GINS1: variants seen among roughly 807,000 people sequenced by gnomAD.
GINS1 encodes DNA replication complex GINS protein PSF1.
In GINS1, 26 loss-of-function variants were observed where a neutral mutation model predicts 34.9. The ratio of observed to expected loss-of-function variants is 0.74; its 90% confidence interval spans 0.55 to 1.03. The LOEUF is 1.03. Ranked by LOEUF, GINS1 falls within the 50% of genes least tolerant of loss-of-function variation. The pLI is 0.00. For missense variants in GINS1, 235 were observed against 237.9 expected, an observed-to-expected ratio of 0.99 and a Z score of 0.08; for synonymous variants, 97 against 84.4, an observed-to-expected ratio of 1.15 and a Z score of -0.82.
intron 5 of GINS1, among the ~76,000 whole-genome samples, chr20:25,430,992 G>A (rs1023131302): frequency 1.3e-5 from 2 of 152,212 alleles, no homozygotes; most frequent in Non-Finnish European, 2.9e-5. Context: ...AGAAGGATTG[G>A]TGTTCTTGAA....
chr20:25,425,250 T>TA lies in GINS1; in HGVS notation c.371dup (p.Tyr124Ter). The change falls in exon 5 of 7, where the codon TAT (tyrosine) becomes TAAT (stop). Residue 124 changes from tyrosine (Y) to a stop codon, truncating the protein, a stop_gained and frameshift_variant. Coordinates refer to ENST00000262460, the MANE Select transcript of GINS1 (RefSeq NM_021067.5). LOFTEE classifies it high-confidence loss of function. ...TAATTATAAAAGATCTCTTGCTACTTATATGAGGTCACTGGGAGGAGATGA... is the reference window on the plus strand; with the variant it reads ...TAATTATAAAAGATCTCTTGCTACTTAATATGAGGTCACTGGGAGGAGATGA... ...FNNYKRSLAT[Y>*]MRSLGGDEGL... The TA allele has an allele frequency of 6.4e-7, 1 of 1,556,998 alleles. No homozygotes were observed. Among genetic ancestry groups the TA allele is most frequent in the Non-Finnish European group, 8.9e-7 (1 of 1,128,436 alleles).
At chr20:25,428,695 C>T (rs567463575) in intron 5 of GINS1, among the ~76,000 whole-genome samples, 4 of 151,826 alleles carry the variant, frequency 2.6e-5, no homozygotes, top group South Asian at 4.2e-4. Flanking sequence ...TGAGCCACCG[C>T]ACCCGGCCTC....
intron 4 of GINS1, among the ~76,000 whole-genome samples, chr20:25,421,309 T>C (rs969927794): frequency 2.0e-5 from 3 of 152,200 alleles, no homozygotes; most frequent in African/African-American, 7.2e-5. Flanking sequence ...ATGATTTCAA[T>C]ATTGTTGACT....
At chr20:25,442,777 T>G (rs2090489865) in intron 6 of GINS1, among the ~76,000 whole-genome samples, 1 of 151,766 alleles carries the variant, frequency 6.6e-6, no homozygotes, top group Admixed American at 6.6e-5. Context: ...CAGTTAATTT[T>G]TGTAATTTTT....
Position 25,407,777 on chromosome 20 carries a change from A to C in GINS1, c.-44A>C. 2 of 1,483,740 alleles carry C rather than the reference A, an allele frequency of 1.3e-6. No homozygotes were observed. The highest frequency in any genetic ancestry group is 1.9e-6 in the Non-Finnish European group (2 of 1,061,974). The allele number at this position is 1,483,740 out of a possible 1,614,324, so 91.9% of individuals were successfully genotyped here. On this transcript the variant is annotated 5_prime_UTR_variant, in exon 1 of 7. Transcript: ENST00000262460. ...AGAGCCCAGATACCATTTTGGCGTG[A>C]GAGCTGGTGGTTGGCAAGGCCGCGG... is the stretch of plus-strand genomic sequence containing the variant.
chr20:25,420,543 C>T (rs1359461913), intron 4 of GINS1, among the ~76,000 whole-genome samples: 1 of 152,046 alleles, frequency 6.6e-6, no homozygotes, highest in Non-Finnish European at 1.5e-5. Flanking sequence ...CAAATGACTT[C>T]CTTCTACCCC....
intron 2 of GINS1, among the ~76,000 whole-genome samples, chr20:25,415,316 G>C (rs75858004): frequency 0.013 from 1,915 of 152,274 alleles, 42 homozygotes; most frequent in African/African-American, 0.041. Flanking sequence ...GCCATTCATT[G>C]ATTTACTCAA....
chr20:25,408,336 A>G (rs141265834), intron 1 of GINS1, among the ~76,000 whole-genome samples: 1 of 152,286 alleles, frequency 6.6e-6, no homozygotes, highest in Non-Finnish European at 1.5e-5. Context: ...GATGGTGACA[A>G]TAATAGTACC....
intron 4 of GINS1, among the ~76,000 whole-genome samples, chr20:25,424,975 T>C (rs1026183703): frequency 6.6e-6 from 1 of 152,214 alleles, no homozygotes; most frequent in Non-Finnish European, 1.5e-5. Flanking sequence ...TATTATTAAG[T>C]ATGCTGAAAT....
intron 5 of GINS1, among the ~76,000 whole-genome samples, chr20:25,429,309 T>G (rs1427691793): frequency 2.0e-5 from 3 of 152,162 alleles, no homozygotes; most frequent in African/African-American, 4.8e-5. Flanking sequence ...TTTTAAAGGT[T>G]GTTTTCACTA....
Position 25,407,758 on chromosome 20 carries a change from C to T in GINS1, c.-63C>T, listed in dbSNP as rs770914683. On this transcript the variant is annotated 5_prime_UTR_variant, in exon 1 of 7. Transcript: ENST00000262460. Reference sequence around the variant, plus strand: ...CGAAAGGAGTGAGGCGCCGAGAGCCCAGATACCATTTTGGCGTGAGAGCTG... The same window carrying T: ...CGAAAGGAGTGAGGCGCCGAGAGCCTAGATACCATTTTGGCGTGAGAGCTG... 2.5e-5 allele frequency: 32 copies of T among 1,264,152 alleles called. No individual in the cohort carries two copies. Among genetic ancestry groups the T allele is most frequent in the Non-Finnish European group, 3.5e-5 (30 of 864,162 alleles). The allele number at this position is 1,264,152 out of a possible 1,614,324, so 78.3% of individuals were successfully genotyped here. A position where few individuals can be genotyped will look rare whatever the true frequency, so the allele number is the denominator to read the frequency against.
At chr20:25,408,843 G>T in intron 1 of GINS1, 17 of 864,818 alleles carry the variant, frequency 2.0e-5, no homozygotes, top group Non-Finnish European at 2.4e-5. Flanking sequence ...TCCAGAGCCT[G>T]CACTCTAAAT....
At chr20:25,432,726 C>G (rs917421599) in intron 5 of GINS1, among the ~76,000 whole-genome samples, 2 of 151,952 alleles carry the variant, frequency 1.3e-5, no homozygotes, top group Non-Finnish European at 2.9e-5. Flanking sequence ...CTCGGCCTCC[C>G]AAAGTGCTGG....
intron 1 of GINS1, chr20:25,409,154 G>A: frequency 2.8e-6 from 1 of 351,428 alleles, no homozygotes; most frequent in Non-Finnish European, 4.0e-6. Flanking sequence ...AGGGCCTGTG[G>A]GGAGTCTAGG....
At chr20:25,445,290 T>C (rs1287180877) in intron 6 of GINS1, among the ~76,000 whole-genome samples, 1 of 152,036 alleles carries the variant, frequency 6.6e-6, no homozygotes, top group African/African-American at 2.4e-5. Flanking sequence ...CAAGTGATTC[T>C]CCTGCCTCAG....
At chr20:25,419,529 CTT>C (rs901658379) in intron 4 of GINS1, among the ~76,000 whole-genome samples, 14 of 152,238 alleles carry the variant, frequency 9.2e-5, no homozygotes, top group Admixed American at 7.2e-4. Context: ...ACTTTATGCT[CTT>C]TGTGTTCAAA....
At chr20:25,437,877 GGGAGGCCGA>G (rs2090462139) in intron 5 of GINS1, among the ~76,000 whole-genome samples, 1 of 152,112 alleles carries the variant, frequency 6.6e-6, no homozygotes, top group Non-Finnish European at 1.5e-5. Context: ...CCAGCACTTT[GGGAGGCCGA>G]GGCGGGTGGA....
intron 4 of GINS1, 70 bp from the exon 5 acceptor site, chr20:25,425,141 C>T (rs987632419): frequency 3.7e-5 from 27 of 731,092 alleles, no homozygotes; most frequent in African/African-American, 1.2e-4. Flanking sequence ...GTACTGTTTT[C>T]GAATGGATGA....
chr20:25,436,401 A>G (rs568083229), intron 5 of GINS1, among the ~76,000 whole-genome samples: 3 of 152,196 alleles, frequency 2.0e-5, no homozygotes, highest in East Asian at 3.9e-4. Flanking sequence ...TTCAGTTACT[A>G]TTTCTTCAAA....
Sources: gnomAD v4.1 joint callset for allele counts (sites outside exome capture counted in the v4.1 genomes callset) on GRCh38, gnomAD v4.1.1 for gene constraint, MANE v1.5 for transcripts, NCBI Gene and HGNC (gene_info 2026-07-23, HGNC 2026-07-21) for gene names.